Variants in CAMTA1 observed in about 807,000 individuals in gnomAD.
The protein encoded by CAMTA1 is calmodulin binding transcription activator 1.
Under a neutral mutation model 170.9 loss-of-function variants are expected in CAMTA1, and 27 were observed. That is an observed-to-expected ratio of 0.16 (90% CI 0.12 to 0.22). CAMTA1 has a LOEUF of 0.22. Ranked by LOEUF, CAMTA1 falls within the 10% of genes least tolerant of loss-of-function variation. The probability of loss-of-function intolerance (pLI) is 1.00; values close to 1 mark genes in which losing one functional copy is unlikely to be tolerated. For synonymous variants in CAMTA1, 833 were observed against 891.5 expected (o/e 0.93, Z 1.17); for missense variants, 1,619 against 2,217.2 (o/e 0.73, Z 5.42).
At chr1:7,484,015 C>T (rs1172226771) in intron 6 of CAMTA1, among the ~76,000 whole-genome samples, 1 of 152,210 alleles carries the variant, frequency 6.6e-6, no homozygotes, top group Non-Finnish European at 1.5e-5. Flanking sequence ...ACTTACTACC[C>T]TCGTAGGTAG....
At chr1:7,649,651 G>C (rs1040197720) in intron 7 of CAMTA1, among the ~76,000 whole-genome samples, 8 of 152,198 alleles carry the variant, frequency 5.3e-5, no homozygotes, top group Non-Finnish European at 1.2e-4. Context: ...TTATGGAGCC[G>C]ATCCGGCCCC....
At chr1:7,240,544 TG>T (rs1418300345) in intron 4 of CAMTA1, among the ~76,000 whole-genome samples, 1 of 150,288 alleles carries the variant, frequency 6.7e-6, no homozygotes, top group Non-Finnish European at 1.5e-5. Context: ...TTAATTGAGA[TG>T]GGGTCTCACT....
rs184989143 is a variant in CAMTA1 at position 6,972,231 on chromosome 1, T to C, written c.235-119073T>C. On this transcript the variant is annotated intron_variant, in intron 3 of 22. Coordinates refer to ENST00000303635, the MANE Select transcript of CAMTA1 (RefSeq NM_015215.4). ...GAACTTGGCTTTATGACATCTAAGA[T>C]TGTGAGCCTATGTAAATTGCAGGGA... Among the ~76,000 whole-genome samples, 3 of 152,224 alleles carry C rather than the reference T, an allele frequency of 2.0e-5. No individual in the cohort carries two copies. The East Asian group carries it at 5.8e-4, about 29-fold the overall frequency.
chr1:6,962,350 C>T (rs1458665892), intron 3 of CAMTA1, among the ~76,000 whole-genome samples: 1 of 146,824 alleles, frequency 6.8e-6, no homozygotes, highest in African/African-American at 2.6e-5. Context: ...GAGCGCCTGC[C>T]CCTCCCCACC....
intron 4 of CAMTA1, among the ~76,000 whole-genome samples, chr1:7,097,498 G>A (rs1642217547): frequency 6.6e-6 from 1 of 152,204 alleles, no homozygotes; most frequent in Admixed American, 6.5e-5. Flanking sequence ...GGTGCAGTGG[G>A]GTTTGTCTTT....
intron 4 of CAMTA1, among the ~76,000 whole-genome samples, chr1:7,100,970 C>G (rs1246248189): frequency 2.0e-5 from 3 of 152,188 alleles, no homozygotes; most frequent in Non-Finnish European, 4.4e-5. Context: ...CTCTGACACC[C>G]CAACAGGAGA....
intron 4 of CAMTA1, among the ~76,000 whole-genome samples, chr1:7,158,706 G>A (rs993160643): frequency 2.0e-5 from 3 of 152,176 alleles, no homozygotes; most frequent in Non-Finnish European, 4.4e-5. Flanking sequence ...CCAGGTGGTG[G>A]AAACAAGGGT....
intron 6 of CAMTA1, among the ~76,000 whole-genome samples, chr1:7,539,507 G>A (rs1353174407): frequency 6.6e-6 from 1 of 152,210 alleles, no homozygotes; most frequent in East Asian, 1.9e-4. Flanking sequence ...TTCCTCTTGG[G>A]GCTATTGCGC....
intron 16 of CAMTA1, among the ~76,000 whole-genome samples, chr1:7,741,547 G>A (rs2096815810): frequency 6.6e-6 from 1 of 151,584 alleles, no homozygotes; most frequent in Non-Finnish European, 1.5e-5. Context: ...GGGCGACAGA[G>A]CGAGACTCTC....
At chr1:7,620,174 T>C (rs1223023478) in intron 6 of CAMTA1, among the ~76,000 whole-genome samples, 1 of 152,170 alleles carries the variant, frequency 6.6e-6, no homozygotes, top group Admixed American at 6.5e-5. Flanking sequence ...TGGAGCCCAG[T>C]GATTCTCAAA....
chr1:6,943,846 CAAAAAAAAAAAAAAA>C (rs1198830005), intron 3 of CAMTA1, among the ~76,000 whole-genome samples: 1 of 51,700 alleles, frequency 1.9e-5, no homozygotes, highest in African/African-American at 7.5e-5. Context: ...GACTCTGTCT[CAAAAAAAAAAAAAAA>C]AAAAAAAGAA....
intron 1 of CAMTA1, among the ~76,000 whole-genome samples, chr1:6,789,708 T>G (rs1359070483): frequency 1.3e-5 from 2 of 152,160 alleles, no homozygotes; most frequent in African/African-American, 2.4e-5. Flanking sequence ...TTACCGAGCT[T>G]CTGTTATGTA....
intron 6 of CAMTA1, among the ~76,000 whole-genome samples, chr1:7,517,018 G>T (rs1188101355): frequency 6.6e-6 from 1 of 151,856 alleles, no homozygotes; most frequent in Non-Finnish European, 1.5e-5. Flanking sequence ...TCAGATTTTA[G>T]TGTCTGAACT....
intron 4 of CAMTA1, among the ~76,000 whole-genome samples, chr1:7,227,049 G>A (rs1358630951): frequency 2.0e-5 from 3 of 151,974 alleles, no homozygotes; most frequent in African/African-American, 7.3e-5. Context: ...TAGCCAGCAT[G>A]GTCTCGATCT....
At chr1:7,424,009 C>T (rs1304962345) in intron 5 of CAMTA1, among the ~76,000 whole-genome samples, 4 of 152,158 alleles carry the variant, frequency 2.6e-5, no homozygotes, top group African/African-American at 9.7e-5. Flanking sequence ...TTGCCGTCTG[C>T]CCCAGCACCA....
chr1:6,990,273 G>A (rs1255252275), intron 3 of CAMTA1, among the ~76,000 whole-genome samples: 5 of 152,126 alleles, frequency 3.3e-5, no homozygotes, highest in Non-Finnish European at 7.3e-5. Flanking sequence ...TACTGCTTTA[G>A]CTGTGTCTCA....
Position 7,766,031 on chromosome 1 carries a change from A to G in CAMTA1, c.4990-428A>G, listed in dbSNP as rs568244558. ...AACACAGCGAGATTCTGTCTCAAAA[A>G]AAAAAAAAAAAAAACTAAATAAATG... On this transcript the variant is annotated intron_variant, in intron 22 of 22. Coordinates refer to ENST00000303635, the MANE Select transcript of CAMTA1 (RefSeq NM_015215.4). 3.6e-3 allele frequency among the ~76,000 whole-genome samples: 389 copies of G among 109,328 alleles called. 3 individuals are homozygous for G. The highest frequency in any genetic ancestry group is 0.016 in the African/African-American group (352 of 21,942). The allele number at this position is 109,328 out of a possible 152,430, so 71.7% of individuals were successfully genotyped here.
chr1:7,115,787 A>G (rs1474610710), intron 4 of CAMTA1, among the ~76,000 whole-genome samples: 2 of 152,174 alleles, frequency 1.3e-5, no homozygotes, highest in Non-Finnish European at 2.9e-5. Flanking sequence ...CAGAGGCCAG[A>G]AAAGACTCAC....
In CAMTA1 at chr1:7,111,905, A is replaced by C. The variant is rs66460648; in HGVS notation, c.302+20534A>C. 3.9e-4 allele frequency among the ~76,000 whole-genome samples: 56 copies of C among 144,424 alleles called. 1 individual carries two copies. Among genetic ancestry groups the C allele is most frequent in the Non-Finnish European group, 6.8e-4 (43 of 63,678 alleles). The allele number at this position is 144,424 out of a possible 152,430, so 94.7% of individuals were successfully genotyped here. A position where few individuals can be genotyped will look rare whatever the true frequency, so the allele number is the denominator to read the frequency against. ...ATCTCCAAAAAAAAAAAAAAAAAAA[A>C]AAAAAAACCGAAGACTGAACTCCCA... On this transcript the variant is annotated intron_variant, in intron 4 of 22. Coordinates refer to ENST00000303635, the MANE Select transcript of CAMTA1 (RefSeq NM_015215.4).
Sources: allele counts gnomAD v4.1 joint callset (sites outside exome capture counted in the v4.1 genomes callset), GRCh38; gene constraint gnomAD v4.1.1; transcripts MANE v1.5; gene names NCBI Gene and HGNC (gene_info 2026-07-23, HGNC 2026-07-21).